The following ESRRG variants were observed in gnomAD, a reference collection of about 807,000 sequenced individuals.
ESRRG encodes estrogen-related receptor gamma.
A neutral mutation model predicts 44.0 loss-of-function variants in ESRRG; 13 were observed. The observed-to-expected ratio is 0.30, with a 90% confidence interval of 0.19 to 0.47. The LOEUF (loss-of-function observed/expected upper bound fraction) is 0.47. Among genes scored for constraint, ESRRG ranks in the 20% least tolerant of loss-of-function variants. ESRRG has a pLI of 1.00. For synonymous variants in ESRRG, 215 were observed against 214.6 expected (o/e 1.00, Z -0.02); for missense variants, 395 against 580.6 (o/e 0.68, Z 3.29).
intron 1 of ESRRG, among the ~76,000 whole-genome samples, chr1:217,084,043 A>G (rs1266978929): frequency 6.6e-6 from 1 of 152,054 alleles, no homozygotes; most frequent in East Asian, 1.9e-4. Flanking sequence ...ATAGAAATGT[A>G]TGATAAGCAA....
intron 2 of ESRRG, among the ~76,000 whole-genome samples, chr1:216,833,411 A>C (rs2095516721): frequency 6.6e-6 from 1 of 152,214 alleles, no homozygotes; most frequent in African/African-American, 2.4e-5. Flanking sequence ...CATTAGCTAC[A>C]ATTTCCTGGG....
chr1:216,814,818 C>T (rs1318493282), intron 2 of ESRRG, among the ~76,000 whole-genome samples: 1 of 152,116 alleles, frequency 6.6e-6, no homozygotes, highest in Non-Finnish European at 1.5e-5. Flanking sequence ...TAATTATTGT[C>T]AAAACTTGCC....
At chr1:216,515,785 G>A (rs1572061820) in intron 6 of ESRRG, among the ~76,000 whole-genome samples, 1 of 151,986 alleles carries the variant, frequency 6.6e-6, no homozygotes, top group Admixed American at 6.6e-5. Flanking sequence ...CTTATGACTC[G>A]AGCAACAGAG....
chr1:217,122,850 T>C (rs937749609), intron 1 of ESRRG, among the ~76,000 whole-genome samples: 5 of 139,382 alleles, frequency 3.6e-5, no homozygotes, highest in African/African-American at 1.4e-4. Context: ...TTCTTTTTTC[T>C]TTTTTTTTAT....
chr1:217,126,031 G>T lies in ESRRG; in HGVS notation c.-230+11636C>A, dbSNP rs545063840. ...TCTGTCATAGGGTTTTGGATGGAAT[G>T]CACTCTCAGAAAAGCTGATCAAGAG... On this transcript the variant is annotated intron_variant, in intron 1 of 8. Coordinates refer to the ESRRG transcript ENST00000366940. Among the ~76,000 whole-genome samples, 22 of 152,254 alleles carry T rather than the reference G, an allele frequency of 1.4e-4. 1 individual carries two copies. In the South Asian group the frequency reaches 4.6e-3, roughly 32 times the overall value.
intron 5 of ESRRG, among the ~76,000 whole-genome samples, chr1:216,559,306 G>T (rs1305455055): frequency 6.6e-6 from 1 of 152,080 alleles, no homozygotes; most frequent in Non-Finnish European, 1.5e-5. Context: ...ATACACAAAA[G>T]AAAAGTTAAT....
intron 1 of ESRRG, among the ~76,000 whole-genome samples, chr1:216,684,739 A>G (rs764857251): frequency 3.3e-5 from 5 of 152,206 alleles, no homozygotes; most frequent in Non-Finnish European, 7.3e-5. Context: ...CTTTATAACT[A>G]ACATGATATT....
At chr1:217,088,664 G>A (rs1404886182) in intron 1 of ESRRG, among the ~76,000 whole-genome samples, 2 of 151,978 alleles carry the variant, frequency 1.3e-5, no homozygotes, top group African/African-American at 2.4e-5. Context: ...TGAGGCAGGC[G>A]GGGGTTTCTA....
chr1:216,627,639 T>G (rs768094764), intron 3 of ESRRG, among the ~76,000 whole-genome samples: 9 of 152,212 alleles, frequency 5.9e-5, no homozygotes, highest in Non-Finnish European at 1.2e-4. Flanking sequence ...CATGCTTATG[T>G]GAAGAAAGTG....
intron 1 of ESRRG, among the ~76,000 whole-genome samples, chr1:216,720,589 A>G (rs1019351312): frequency 1.4e-4 from 21 of 152,062 alleles, no homozygotes; most frequent in African/African-American, 5.1e-4. Context: ...CTGTTACTGT[A>G]TAAATTTTTT....
At chr1:216,656,889 A>G (rs1295057228) in intron 2 of ESRRG, among the ~76,000 whole-genome samples, 1 of 152,174 alleles carries the variant, frequency 6.6e-6, no homozygotes, top group Non-Finnish European at 1.5e-5. Flanking sequence ...GGGCACTCCA[A>G]GTGGGGTTTA....
At chr1:216,977,369 CACATAT>C (rs2073154812) in intron 1 of ESRRG, among the ~76,000 whole-genome samples, 3 of 151,394 alleles carry the variant, frequency 2.0e-5, no homozygotes, top group African/African-American at 2.4e-5. Context: ...CACACACACA[CACATAT>C]ACATATAGAT....
At chr1:216,559,534 G>C (rs2058294398) in intron 5 of ESRRG, among the ~76,000 whole-genome samples, 1 of 152,066 alleles carries the variant, frequency 6.6e-6, no homozygotes. Context: ...ACTAACATAT[G>C]GTATAACTCA....
chr1:216,841,188 A>AT (rs144922509), intron 2 of ESRRG, among the ~76,000 whole-genome samples: 2,931 of 150,760 alleles, frequency 0.019, 106 homozygotes, highest in African/African-American at 0.068. Flanking sequence ...TTAAAATAGA[A>AT]TTTTTTTTTT....
At chr1:216,647,505 A>G (rs1359600150) in intron 3 of ESRRG, among the ~76,000 whole-genome samples, 1 of 151,878 alleles carries the variant, frequency 6.6e-6, no homozygotes, top group Non-Finnish European at 1.5e-5. Flanking sequence ...TTTTTGAAAA[A>G]TTCTAACATT....
At chr1:217,114,666 T>C (rs779610080) in intron 1 of ESRRG, among the ~76,000 whole-genome samples, 1 of 134,264 alleles carries the variant, frequency 7.4e-6, no homozygotes, top group African/African-American at 2.9e-5. Flanking sequence ...CCAAAAGATT[T>C]CTTTTTTTTT....
chr1:216,750,378 G>T (rs1299065260), intron 2 of ESRRG, among the ~76,000 whole-genome samples: 1 of 151,926 alleles, frequency 6.6e-6, no homozygotes. Flanking sequence ...TTCTCTATTA[G>T]TTGATATTCT....
chr1:216,962,035 A>G (rs1026059299), intron 1 of ESRRG, among the ~76,000 whole-genome samples: 1 of 136,362 alleles, frequency 7.3e-6, no homozygotes. Flanking sequence ...CACACATGAC[A>G]TAATTGTTAC....
chr1:216,907,415 G>A (rs2059807828), intron 2 of ESRRG, among the ~76,000 whole-genome samples: 1 of 152,204 alleles, frequency 6.6e-6, no homozygotes, highest in Admixed American at 6.5e-5. Context: ...CATTAGGAGG[G>A]AGATGCCGCA....
Sources: gnomAD v4.1 joint callset for allele counts (sites outside exome capture counted in the v4.1 genomes callset) on GRCh38, gnomAD v4.1.1 for gene constraint, MANE v1.5 for transcripts, NCBI Gene and HGNC (gene_info 2026-07-23, HGNC 2026-07-21) for gene names.